Variants in ARMS2 observed in about 807,000 individuals in gnomAD.
ARMS2 encodes age-related maculopathy susceptibility protein 2.
In ARMS2, 4 loss-of-function variants were observed where a neutral mutation model predicts 6.0. The observed-to-expected ratio is 0.67, with a 90% CI of 0.33 to 1.53. The LOEUF (loss-of-function observed/expected upper bound fraction) is 1.53, where lower values mean the gene tolerates loss of function less well. ARMS2 is among the 40% of genes most tolerant of loss of function. The pLI, the probability that ARMS2 is intolerant of heterozygous loss-of-function variation, is 0.06. For missense variants in ARMS2, 99 were observed against 127.6 expected (o/e 0.78, Z 1.08); for synonymous variants, 49 against 51.7 (o/e 0.95, Z 0.22).
At chr10:122,456,739 G>C (rs1052084607) in intron 1 of ARMS2, among the ~76,000 whole-genome samples, 168 bp from the exon 2 acceptor site, 2 of 151,944 alleles carry the variant, frequency 1.3e-5, no homozygotes, top group African/African-American at 4.8e-5. Flanking sequence ...ACATTGAAGA[G>C]ATCATACAGA....
chr10:122,454,711 A>G lies in ARMS2; in HGVS notation c.-17A>G, dbSNP rs2097475741. 2.5e-6 allele frequency: 4 copies of G among 1,609,080 alleles called. No individual in the cohort carries two copies. The East Asian group carries it at 8.9e-5, about 36-fold the overall frequency. On this transcript the variant is annotated 5_prime_UTR_variant, in exon 1 of 2. The change abolishes an upstream ATG in the 5' untranslated region. Coordinates refer to ENST00000528446, the MANE Select transcript of ARMS2 (RefSeq NM_001099667.3). ...GGGACAGCACCTTTGTCACCACATT[A>G]TGTCCCTGTACCCTACATGCTGCGC...
intron 1 of ARMS2, among the ~76,000 whole-genome samples, chr10:122,456,445 A>C (rs892341590): frequency 1.7e-4 from 26 of 152,062 alleles, no homozygotes; most frequent in Non-Finnish European, 3.7e-4. Flanking sequence ...ACTTGCAGTC[A>C]GGAGTTTGAG....
Position 122,454,903 on chromosome 10 carries a change from T to C in ARMS2, c.176T>C (p.Leu59Pro). ...EGASDKQRSKLSLSHSMIPAA... is the reference protein window; with the variant it reads ...EGASDKQRSKPSLSHSMIPAA... ...GCCAGTGACAAGCAGAGGAGCAAAC[T>C]GTCTTTATCACACTCCATGATCCCA... Residue 59 changes from leucine (L) to proline (P), a missense_variant, in exon 1 of 2, where the codon CTG (leucine) becomes CCG (proline). Transcript: ENST00000528446. The C allele has an allele frequency of 6.2e-7, 1 of 1,613,860 alleles. No individual in the cohort carries two copies. The highest frequency in any genetic ancestry group is 8.5e-7 in the Non-Finnish European group (1 of 1,179,830).
At chr10:122,455,843 C>T (rs947409817) in intron 1 of ARMS2, among the ~76,000 whole-genome samples, 3 of 151,900 alleles carry the variant, frequency 2.0e-5, no homozygotes, top group Admixed American at 6.6e-5. Context: ...AATGTGAGCG[C>T]GCTCAGCTTT....
At chr10:122,456,650 T>G (rs1299082469) in intron 1 of ARMS2, among the ~76,000 whole-genome samples, 2 of 135,566 alleles carry the variant, frequency 1.5e-5, no homozygotes, top group African/African-American at 5.6e-5. Flanking sequence ...TGAGACTCTA[T>G]CTCAAAAAAA....
intron 1 of ARMS2, among the ~76,000 whole-genome samples, chr10:122,456,321 A>C (rs929331573): frequency 2.0e-5 from 3 of 152,110 alleles, no homozygotes; most frequent in African/African-American, 7.2e-5. Flanking sequence ...AAAAAAGAAA[A>C]AAAGAAATGC....
intron 1 of ARMS2, among the ~76,000 whole-genome samples, chr10:122,456,579 G>T (rs1477727854): frequency 6.6e-6 from 1 of 151,840 alleles, no homozygotes; most frequent in Non-Finnish European, 1.5e-5. Flanking sequence ...GCTAGAACCT[G>T]GGAGGTGGAG....
In ARMS2 at chr10:122,456,918, C is replaced by T. The variant is rs1384436548; in HGVS notation, c.309C>T (p.His103=). 2 of 1,551,402 alleles carry T rather than the reference C, an allele frequency of 1.3e-6. No homozygotes were observed. Among genetic ancestry groups the T allele is most frequent in the East Asian group, 2.4e-5 (1 of 40,926 alleles). The change falls in exon 2 of 2, where the codon CAC becomes CAT. Residue 103 remains histidine, a synonymous_variant. Transcript: ENST00000528446. Reference sequence around the variant, plus strand: ...TATTTTTTTTTCAGTCTATCATCCACACTGCAGCAAGGTGATTCTGCCAAA... The same window carrying T: ...TATTTTTTTTTCAGTCTATCATCCATACTGCAGCAAGGTGATTCTGCCAAA... ...PQHHLTLSII[H]TAAR is the part of the protein sequence containing the mutation.
intron 1 of ARMS2, among the ~76,000 whole-genome samples, chr10:122,455,815 A>G (rs981637979): frequency 7.2e-5 from 11 of 152,126 alleles, no homozygotes; most frequent in Admixed American, 5.9e-4. Context: ...CATTTTGCCT[A>G]AATGGCAGCA....
In ARMS2 at chr10:122,456,945, C is replaced by T. The variant is rs1565398940; in HGVS notation, c.*12C>T. ...CTGCAGCAAGGTGATTCTGCCAAAACATATCTCCTTAAAAGCCAACTGGAG... is the reference window on the plus strand; with the variant it reads ...CTGCAGCAAGGTGATTCTGCCAAAATATATCTCCTTAAAAGCCAACTGGAG... On this transcript the variant is annotated 3_prime_UTR_variant, in exon 2 of 2. Transcript: ENST00000528446. 1 of 1,551,264 alleles carries T rather than the reference C, an allele frequency of 6.4e-7. No individual in the cohort carries two copies. Among genetic ancestry groups the T allele is most frequent in the Admixed American group, 2.0e-5 (1 of 50,948 alleles).
rs7088128 is a variant in ARMS2, at chr10:122,456,894, A to T, written c.298-13A>T. ...TTTAAAAATGCATATTACTAAATCT[A>T]TTTTTTTTTCAGTCTATCATCCACA... On this transcript the variant is annotated splice_polypyrimidine_tract_variant and intron_variant, in intron 1 of 1. Transcript: ENST00000528446. The T allele has an allele frequency of 3.0e-3, 4,512 of 1,510,222 alleles. 91 individuals carry two copies. The African/African-American group carries it at 0.042, about 14-fold the overall frequency. The allele number at this position is 1,510,222 out of a possible 1,614,324, so 93.6% of individuals were successfully genotyped here. A position where few individuals can be genotyped will look rare whatever the true frequency, so the allele number is the denominator to read the frequency against.
intron 1 of ARMS2, among the ~76,000 whole-genome samples, 184 bp downstream of exon 1, chr10:122,455,208 T>C (rs1160461643): frequency 6.6e-6 from 1 of 152,152 alleles, no homozygotes; most frequent in Non-Finnish European, 1.5e-5. Context: ...AGCTGGAGAA[T>C]TGGGAATATC....
intron 1 of ARMS2, 104 bp downstream of exon 1, chr10:122,455,128 A>C: frequency 1.5e-6 from 1 of 676,870 alleles, no homozygotes; most frequent in Admixed American, 2.5e-5. Flanking sequence ...GGTGCTTCTG[A>C]TGCATGCTCA....
rs1461059046 is a variant in ARMS2, at chr10:122,456,953, C to T, written c.*20C>T. On this transcript the variant is annotated 3_prime_UTR_variant, in exon 2 of 2. Coordinates refer to ENST00000528446, the MANE Select transcript of ARMS2 (RefSeq NM_001099667.3). The stretch of plus-strand genomic sequence containing the variant: ...AGGTGATTCTGCCAAAACATATCTC[C>T]TTAAAAGCCAACTGGAGCTTCTCAT... The T allele has an allele frequency of 3.2e-6, 5 of 1,551,286 alleles. No homozygotes were observed. In the African/African-American group the frequency reaches 4.1e-5, roughly 13 times the overall value.
At chr10:122,455,498 TA>T (rs974689842) in intron 1 of ARMS2, among the ~76,000 whole-genome samples, 21 of 152,074 alleles carry the variant, frequency 1.4e-4, no homozygotes, top group African/African-American at 4.8e-4. Context: ...ATTTATGGAT[TA>T]AAAAAAATGC....
chr10:122,456,799 A>G (rs759505451), intron 1 of ARMS2, 108 bp from the exon 2 acceptor site: 10 of 1,463,992 alleles, frequency 6.8e-6, no homozygotes, highest in Non-Finnish European at 9.2e-6. Flanking sequence ...TTCTTACCCT[A>G]TTGAGTTACA....
intron 1 of ARMS2, 114 bp from the exon 2 acceptor site, chr10:122,456,793 T>C: frequency 7.0e-7 from 1 of 1,432,412 alleles, no homozygotes; most frequent in South Asian, 1.4e-5. Context: ...CTATACTTCT[T>C]ACCCTATTGA....
chr10:122,455,116 C>G (rs1215750206), intron 1 of ARMS2, 92 bp downstream of exon 1: 6 of 730,124 alleles, frequency 8.2e-6, no homozygotes, highest in Non-Finnish European at 1.4e-5. Context: ...AACCAGCCTT[C>G]AGGTGCTTCT....
Position 122,454,745 on chromosome 10 carries a change from A to T in ARMS2, c.18A>T (p.Pro6=), listed in dbSNP as rs536777566. 1.2e-5 allele frequency: 20 copies of T among 1,613,918 alleles called. No homozygotes were observed. Among genetic ancestry groups the T allele is most frequent in the African/African-American group, 5.3e-5 (4 of 75,032 alleles). MLRLY[P]GPMVTEAEGK... ...TACCCTACATGCTGCGCCTATACCC[A>T]GGACCGATGGTAACTGAGGCGGAGG... The change falls in exon 1 of 2, where the codon CCA becomes CCT. Residue 6 remains proline, a synonymous_variant. Coordinates refer to ENST00000528446, the MANE Select transcript of ARMS2 (RefSeq NM_001099667.3).
Sources: allele counts gnomAD v4.1 joint callset (sites outside exome capture counted in the v4.1 genomes callset), GRCh38; gene constraint gnomAD v4.1.1; transcripts MANE v1.5; gene names NCBI Gene and HGNC (gene_info 2026-07-23, HGNC 2026-07-21).